Variants in CRISP3 observed in about 807,000 individuals in gnomAD.
The protein encoded by CRISP3 is cysteine-rich secretory protein 3.
CRISP3 carries 33 observed loss-of-function variants against 36.1 expected under a neutral mutation model. The ratio of observed to expected loss-of-function variants is 0.91; its 90% CI spans 0.69 to 1.22. The LOEUF (loss-of-function observed/expected upper bound fraction) is 1.22. Among genes scored for constraint, CRISP3 ranks in the 50% most tolerant of loss-of-function variants. CRISP3 has a pLI of 0.00. For synonymous variants in CRISP3, 117 were observed against 104.6 expected (o/e 1.12, Z -0.72); for missense variants, 330 against 301.2 (o/e 1.10, Z -0.71).
At chr6:49,732,318 A>C (rs1302856833) in intron 6 of CRISP3, among the ~76,000 whole-genome samples, 1 of 152,222 alleles carries the variant, frequency 6.6e-6, no homozygotes, top group African/African-American at 2.4e-5. Context: ...CTTACAGGTC[A>C]TATTTCTCAG....
In CRISP3 at chr6:49,733,178, C is replaced by A. The variant is rs186717342; in HGVS notation, c.560+17G>T. ...TATTTAGCATTATTGACAATAAACG[C>A]TAAAATATATACTTACGCAGGACAA... On this transcript the variant is annotated intron_variant, in intron 6 of 7. Transcript: ENST00000263045. The A allele has an allele frequency of 3.0e-5, 43 of 1,440,708 alleles. No homozygotes were observed. In the East Asian group the frequency reaches 6.7e-4, roughly 22 times the overall value. 89.2% of individuals were successfully genotyped at this position (1,440,708 alleles called of 1,614,324 possible). A position where few individuals can be genotyped will look rare whatever the true frequency, so the allele number is the denominator to read the frequency against.
At chr6:49,729,954 A>G (rs1768873504) in intron 7 of CRISP3, among the ~76,000 whole-genome samples, 1 of 152,178 alleles carries the variant, frequency 6.6e-6, no homozygotes, top group East Asian at 1.9e-4. Context: ...CTAATAAGAT[A>G]AATTTCAAGC....
chr6:49,740,915 C>G (rs1052390992), intron 1 of CRISP3, among the ~76,000 whole-genome samples: 1 of 151,668 alleles, frequency 6.6e-6, no homozygotes, highest in African/African-American at 2.4e-5. Flanking sequence ...TCCTGGCTAG[C>G]ACGGTGAAAC....
At chr6:49,731,667 A>G (rs991384600) in intron 6 of CRISP3, among the ~76,000 whole-genome samples, 5 of 149,584 alleles carry the variant, frequency 3.3e-5, no homozygotes, top group African/African-American at 1.2e-4. Flanking sequence ...GAAAAATAAC[A>G]TTTAATGTTA....
intron 7 of CRISP3, among the ~76,000 whole-genome samples, chr6:49,729,862 A>G (rs141986308): frequency 0.01 from 1,544 of 152,172 alleles, 32 homozygotes; most frequent in African/African-American, 0.036. Flanking sequence ...GCTTCTTCCT[A>G]CTACTGTCGG....
Position 49,728,501 on chromosome 6 carries a change from A to G in CRISP3, c.*229T>C. ...TAAATTTAAATCACAAAGTTTATAT[A>G]TAAAAATCCAAAGTTGTTGTTATAG... On this transcript the variant is annotated 3_prime_UTR_variant, in exon 8 of 8. Transcript: ENST00000263045. 3.1e-6 allele frequency: 1 copy of G among 320,494 alleles called. No individual in the cohort carries two copies. Among genetic ancestry groups the G allele is most frequent in the Non-Finnish European group, 5.6e-6 (1 of 179,626 alleles). The allele number at this position is 320,494 out of a possible 1,614,324, so 19.9% of individuals were successfully genotyped here.
chr6:49,741,611 GTTTTTTTT>G lies in CRISP3; in HGVS notation c.37+2712_37+2719del, dbSNP rs375461364. 9.7e-5 allele frequency among the ~76,000 whole-genome samples: 11 copies of G among 113,012 alleles called. No individual in the cohort carries two copies. The East Asian group carries it at 2.5e-3, about 26-fold the overall frequency. 74.1% of individuals were successfully genotyped at this position (113,012 alleles called of 152,430 possible). On this transcript the variant is annotated intron_variant, in intron 1 of 7. Coordinates refer to ENST00000263045, the MANE Select transcript of CRISP3 (RefSeq NM_006061.4). ...TCATTAAATTCAACCCCTGTATGTA[GTTTTTTTT>G]TTTTTTTTTTTTTTTAAAGAAAAAA...
intron 1 of CRISP3, among the ~76,000 whole-genome samples, chr6:49,743,866 CTT>C (rs1423895398): frequency 1.3e-5 from 2 of 151,430 alleles, no homozygotes; most frequent in Non-Finnish European, 2.9e-5. Flanking sequence ...ACTTTTTAAT[CTT>C]GAGATCAGTG....
rs1769029065 is a variant in CRISP3, at chr6:49,735,576, C to G, written c.244G>C (p.Ala82Pro). 6.2e-7 allele frequency: 1 copy of G among 1,612,196 alleles called. No homozygotes were observed. Among genetic ancestry groups the G allele is most frequent in the Non-Finnish European group, 8.5e-7 (1 of 1,178,946 alleles). ...NMLKMEWNKE[A>P]AANAQKWANQ... ...GCCCACTTTTGGGCATTTGCTGCAG[C>G]CTCTTTGTTCCATTCCTGAAACAAG... Residue 82 changes from alanine (A) to proline (P), a missense_variant, in exon 4 of 8, where the codon GCT (alanine) becomes CCT (proline). Ala to Pro is a conservative substitution (Grantham distance 27). Transcript: ENST00000263045.
intron 5 of CRISP3, 60 bp from the exon 6 acceptor site, chr6:49,733,352 C>T (rs1377642452): frequency 8.9e-7 from 1 of 1,120,394 alleles, no homozygotes; most frequent in Non-Finnish European, 1.3e-6. Flanking sequence ...TACCAAAAAA[C>T]AAATAGTAGG....
At chr6:49,733,918 A>G in intron 4 of CRISP3, 70 bp from the exon 5 acceptor site, 2 of 1,298,064 alleles carry the variant, frequency 1.5e-6, no homozygotes, top group South Asian at 2.5e-5. Flanking sequence ...ACAAACACAC[A>G]CACACTACAC....
At chr6:49,731,309 C>A in intron 6 of CRISP3, 58 bp from the exon 7 acceptor site, 2 of 1,100,028 alleles carry the variant, frequency 1.8e-6, no homozygotes, top group East Asian at 2.5e-5. Flanking sequence ...GTTTATGTTC[C>A]AAGGTTAGTA....
At chr6:49,738,833 G>A (rs1482883686) in intron 1 of CRISP3, among the ~76,000 whole-genome samples, 2 of 151,786 alleles carry the variant, frequency 1.3e-5, no homozygotes, top group South Asian at 2.1e-4. Context: ...TCCCAGCATC[G>A]CCCCACAATC....
At chr6:49,738,868 G>A (rs1769126685) in intron 1 of CRISP3, among the ~76,000 whole-genome samples, 1 of 152,004 alleles carries the variant, frequency 6.6e-6, no homozygotes, top group Non-Finnish European at 1.5e-5. Flanking sequence ...GGACTTTGCT[G>A]GTATCCATTT....
chr6:49,742,446 A>G (rs992727486), intron 1 of CRISP3, among the ~76,000 whole-genome samples: 2 of 152,028 alleles, frequency 1.3e-5, no homozygotes, highest in African/African-American at 4.8e-5. Context: ...ACCCTGCGTA[A>G]CATGGTGAAA....
At chr6:49,740,393 C>A (rs7760595) in intron 1 of CRISP3, among the ~76,000 whole-genome samples, 5 of 152,030 alleles carry the variant, frequency 3.3e-5, no homozygotes, top group African/African-American at 1.2e-4. Context: ...ATAAAGCAAG[C>A]CTTTGGCTTT....
At chr6:49,731,900 A>G (rs1434662091) in intron 6 of CRISP3, among the ~76,000 whole-genome samples, 1 of 151,744 alleles carries the variant, frequency 6.6e-6, no homozygotes, top group Admixed American at 6.6e-5. Context: ...AATGTTAGGG[A>G]AAAAAAGATT....
chr6:49,734,881 G>A (rs1437373292), intron 4 of CRISP3, among the ~76,000 whole-genome samples: 1 of 151,870 alleles, frequency 6.6e-6, no homozygotes. Context: ...ATTTATTGAT[G>A]TATAGGTTAT....
rs1430773571 is a variant in CRISP3 at position 49,728,612 on chromosome 6, G to A, written c.*118C>T. ...AGAAGAAAAACATTTGAAATCAAAT[G>A]TGTATCAAACATGCCTACAATTTCT... On this transcript the variant is annotated 3_prime_UTR_variant, in exon 8 of 8. Transcript: ENST00000263045. 5 of 764,720 alleles carry A rather than the reference G, an allele frequency of 6.5e-6. No individual in the cohort carries two copies. Among genetic ancestry groups the A allele is most frequent in the Admixed American group, 3.1e-5 (1 of 32,084 alleles). 47.4% of individuals were successfully genotyped at this position (764,720 alleles called of 1,614,324 possible). A position where few individuals can be genotyped will look rare whatever the true frequency, so the allele number is the denominator to read the frequency against.
Sources: gnomAD v4.1 joint callset for allele counts (sites outside exome capture counted in the v4.1 genomes callset) on GRCh38, gnomAD v4.1.1 for gene constraint, MANE v1.5 for transcripts, NCBI Gene and HGNC (gene_info 2026-07-23, HGNC 2026-07-21) for gene names.